The following RHBDF1 variants were observed in gnomAD, a reference collection of about 807,000 sequenced individuals.
RHBDF1 encodes rhomboid 5 homolog 1.
Under a neutral mutation model 98.6 loss-of-function variants are expected in RHBDF1, and 80 were observed. The observed-to-expected ratio is 0.81, with a 90% CI of 0.68 to 0.98. The LOEUF (loss-of-function observed/expected upper bound fraction) is 0.98. Among genes scored for constraint, RHBDF1 ranks in the 50% least tolerant of loss-of-function variants. The pLI, the probability that RHBDF1 is intolerant of heterozygous loss-of-function variation, is 0.00. For missense variants in RHBDF1, 1,116 were observed against 1,198.3 expected, an observed-to-expected ratio of 0.93 and a Z score of 1.01; for synonymous variants, 512 against 486.8, an observed-to-expected ratio of 1.05 and a Z score of -0.68.
upstream of RHBDF1, among the ~76,000 whole-genome samples, chr16:75,142 G>T (rs985948622): frequency 1.3e-5 from 2 of 152,230 alleles, no homozygotes; most frequent in African/African-American, 4.8e-5. Flanking sequence ...CGGAAACCCA[G>T]CTCCCGGCCC....
intron 2 of RHBDF1, 27 bp downstream of exon 2, chr16:64,872 C>A (rs747575589): frequency 6.2e-7 from 1 of 1,613,932 alleles, no homozygotes; most frequent in South Asian, 1.1e-5. Flanking sequence ...CAGGGGGCAC[C>A]CACAGTCCCT....
Position 61,391 on chromosome 16 carries a change from G to C in RHBDF1, c.1389C>G (p.Pro463=). ...YVQQENFWIG[P]SSEALIHLGA... is the part of the protein sequence containing the mutation. ...CCCCCAGCCCCGTCCTCACCGAGCTGGGCCCGATCCAGAAGTTCTCCTGCT... is the reference window on the plus strand; with the variant it reads ...CCCCCAGCCCCGTCCTCACCGAGCTCGGCCCGATCCAGAAGTTCTCCTGCT... Residue 463 remains proline (P), a synonymous_variant, in exon 10 of 18, where the codon CCC becomes CCG. Transcript: ENST00000262316. 3 of 1,609,702 alleles carry C rather than the reference G, an allele frequency of 1.9e-6. No homozygotes were observed. Among genetic ancestry groups the C allele is most frequent in the South Asian group, 2.2e-5 (2 of 90,592 alleles).
chr16:58,804 G>C lies in RHBDF1; in HGVS notation c.2149-45C>G, dbSNP rs770785026. ...GCTGTAAGGCAGTGGGGCTGGGCAGGCCCCCTGGACCCAAGGCCTCATCTT... is the reference window on the plus strand; with the variant it reads ...GCTGTAAGGCAGTGGGGCTGGGCAGCCCCCCTGGACCCAAGGCCTCATCTT... On this transcript the variant is annotated intron_variant, in intron 17 of 17. Coordinates refer to ENST00000262316, the MANE Select transcript of RHBDF1 (RefSeq NM_022450.5). 349 of 1,589,526 alleles carry C rather than the reference G, an allele frequency of 2.2e-4. 1 individual carries two copies. The highest frequency in any genetic ancestry group is 2.8e-4 in the Non-Finnish European group (329 of 1,166,426).
At chr16:71,745 T>C (rs1035701355) in intron 1 of RHBDF1, among the ~76,000 whole-genome samples, 1 of 152,096 alleles carries the variant, frequency 6.6e-6, no homozygotes, top group African/African-American at 2.4e-5. Flanking sequence ...GAAGATCCCC[T>C]GCCCATTCCC....
At position 65,045 on chromosome 16, in the gene RHBDF1, G is replaced by A. The variant is rs201013069; in HGVS notation, c.-24-6C>T. The A allele has an allele frequency of 1.5e-4, 230 of 1,496,602 alleles. No individual in the cohort carries two copies. Among genetic ancestry groups the A allele is most frequent in the Non-Finnish European group, 4.7e-5 (53 of 1,126,670 alleles). The allele number at this position is 1,496,602 out of a possible 1,614,324, so 92.7% of individuals were successfully genotyped here. On this transcript the variant is annotated splice_polypyrimidine_tract_variant and splice_region_variant and intron_variant, in intron 1 of 17. Transcript: ENST00000262316. ...CCTGGCAGAGCAAGGCAGGCCTGCG[G>A]GGCATGGTGTGTTATTCAATAATGA... is the stretch of plus-strand genomic sequence containing the variant.
Position 62,634 on chromosome 16 carries a change from TC to T in RHBDF1, c.856del (p.Glu286ArgfsTer4). 3 of 1,614,044 alleles carry T rather than the reference TC, an allele frequency of 1.9e-6. No individual in the cohort carries two copies. Among genetic ancestry groups the T allele is most frequent in the Non-Finnish European group, 2.5e-6 (3 of 1,180,028 alleles). On this transcript the variant is annotated frameshift_variant, in exon 7 of 18. Transcript: ENST00000262316. LOFTEE classifies it high-confidence loss of function. ...CTTCTCCCAGTCCTTTAGCGCTGCC[TC>T]CGATGGGGACTCGAAAACTTCATCC... ...YPDEVFESPS[E>X]AALKDWEKAP...
Position 59,052 on chromosome 16 carries a change from G to A in RHBDF1, c.2070C>T (p.His690=), listed in dbSNP as rs1897496708. Residue 690 remains histidine, a synonymous_variant, in exon 17 of 18, where the codon CAC becomes CAT. Transcript: ENST00000262316. The stretch of plus-strand genomic sequence containing the variant: ...TCAGCAGGTAGATGATGGCTATGCG[G>A]TGCCAGCCTGCCAGCTTCTCCAGGT... ...LRDLEKLAGW[H]RIAIIYLLSG... is the part of the protein sequence containing the mutation. The A allele has an allele frequency of 1.2e-6, 2 of 1,613,354 alleles. No individual in the cohort carries two copies. The highest frequency in any genetic ancestry group is 8.5e-7 in the Non-Finnish European group (1 of 1,180,016).
rs1171414581 is a variant in RHBDF1 at position 61,450 on chromosome 16, T to G, written c.1330A>C (p.Asn444His). The G allele has an allele frequency of 1.2e-6, 2 of 1,612,368 alleles. No homozygotes were observed. The highest frequency in any genetic ancestry group is 1.7e-6 in the Non-Finnish European group (2 of 1,179,804). ...QHETVDSVLR[N>H]RGVYENVKYV... The stretch of plus-strand genomic sequence containing the variant: ...TTGACGTTCTCGTAGACCCCGCGGT[T>G]CCGCAGCACCTGGGAGGTTGGGGAG... The change falls in exon 10 of 18, where the codon AAC (asparagine) becomes CAC (histidine). Residue 444 changes from asparagine to histidine, a missense_variant. Coordinates refer to ENST00000262316, the MANE Select transcript of RHBDF1 (RefSeq NM_022450.5).
chr16:65,002 C>T lies in RHBDF1; in HGVS notation c.14G>A (p.Arg5His), dbSNP rs376110986. Residue 5 changes from arginine (R) to histidine (H), a missense_variant, in exon 2 of 18, where the codon CGC (arginine) becomes CAC (histidine). Coordinates refer to ENST00000262316, the MANE Select transcript of RHBDF1 (RefSeq NM_022450.5). ...CTGCAGGCTGCTCGTGCTGTCCCTG[C>T]GGGCCTCACTCATGGTTCCTGGCAG... MSEA[R>H]RDSTSSLQRK... 7.2e-6 allele frequency: 11 copies of T among 1,526,440 alleles called. No homozygotes were observed. The African/African-American group carries it at 8.3e-5, about 11-fold the overall frequency. The allele number at this position is 1,526,440 out of a possible 1,614,324, so 94.6% of individuals were successfully genotyped here.
In RHBDF1 at chr16:62,577, G is replaced by A. The variant is rs941295149; in HGVS notation, c.914C>T (p.Ala305Val). 8 of 1,613,302 alleles carry A rather than the reference G, an allele frequency of 5.0e-6. No individual in the cohort carries two copies. The highest frequency in any genetic ancestry group is 1.6e-4 in the Middle Eastern group (1 of 6,084). Reference sequence around the variant, plus strand: ...GCGCTCAAGCTCGCTGCGGTCCAGGGCCCCGCCGGTGAGGTCCGCCTGCTC... The same window carrying A: ...GCGCTCAAGCTCGCTGCGGTCCAGGACCCCGCCGGTGAGGTCCGCCTGCTC... The part of the protein sequence containing the change: ...APEQADLTGG[A>V]LDRSELERSH... Residue 305 changes from alanine to valine, a missense_variant, in exon 7 of 18, where the codon GCC (alanine) becomes GTC (valine). Physicochemically the swap from Ala to Val is moderately conservative, Grantham distance 64. Coordinates refer to ENST00000262316, the MANE Select transcript of RHBDF1 (RefSeq NM_022450.5).
rs778216721 is a variant in RHBDF1, at chr16:58,391, G to C, written c.2517C>G (p.Pro839=). Residue 839 remains proline, a synonymous_variant, in exon 18 of 18, where the codon CCC becomes CCG. Coordinates refer to ENST00000262316, the MANE Select transcript of RHBDF1 (RefSeq NM_022450.5). ...CEWCEFLTCI[P]FTDKFCEKYE... Reference sequence around the variant, plus strand: ...ACTTCTCACAGAACTTGTCAGTGAAGGGGATGCAGGTGAGGAACTCACACC... The same window carrying C: ...ACTTCTCACAGAACTTGTCAGTGAACGGGATGCAGGTGAGGAACTCACACC... The C allele has an allele frequency of 1.1e-5, 17 of 1,613,918 alleles. No homozygotes were observed. Among genetic ancestry groups the C allele is most frequent in the Non-Finnish European group, 1.3e-5 (15 of 1,180,028 alleles).
At chr16:62,517 T>A (rs768960065) in intron 7 of RHBDF1, 21 bp downstream of exon 7, 2 of 1,609,230 alleles carry the variant, frequency 1.2e-6, no homozygotes, top group Non-Finnish European at 1.7e-6. Flanking sequence ...TCTGCCCCTC[T>A]TCCCTGCCTG....
intron 1 of RHBDF1, among the ~76,000 whole-genome samples, chr16:66,125 C>T (rs1169465135): frequency 6.6e-6 from 1 of 152,194 alleles, no homozygotes; most frequent in Non-Finnish European, 1.5e-5. Flanking sequence ...TGAGAAGGGC[C>T]CCTGAGCATG....
chr16:74,494 C>T (rs1343689092), upstream of RHBDF1, among the ~76,000 whole-genome samples: 1 of 152,154 alleles, frequency 6.6e-6, no homozygotes, highest in Admixed American at 6.5e-5. Context: ...TGAAACCCCC[C>T]GCACCCAGGA....
In RHBDF1 at chr16:58,394, G is replaced by A. The variant is rs371297598; in HGVS notation, c.2514C>T (p.Ile838=). Residue 838 remains isoleucine, a synonymous_variant, in exon 18 of 18, where the codon ATC becomes ATT. Transcript: ENST00000262316. ...TCTCACAGAACTTGTCAGTGAAGGG[G>A]ATGCAGGTGAGGAACTCACACCACT... ...RCEWCEFLTC[I]PFTDKFCEKY... is the part of the protein sequence containing the mutation. The A allele has an allele frequency of 1.5e-5, 24 of 1,613,822 alleles. No individual in the cohort carries two copies. Among genetic ancestry groups the A allele is most frequent in the Admixed American group, 6.7e-5 (4 of 60,004 alleles).
chr16:74,653 G>C (rs571264109), upstream of RHBDF1: 1 of 152,172 alleles, frequency 6.6e-6, no homozygotes, highest in Admixed American at 6.5e-5. Flanking sequence ...GTCGATACAC[G>C]TGTGCTCAGT....
rs759911148 is a variant in RHBDF1 at position 60,510 on chromosome 16, G to C, written c.1587C>G (p.Pro529=). The C allele has an allele frequency of 2.5e-6, 4 of 1,610,478 alleles. No homozygotes were observed. Among genetic ancestry groups the C allele is most frequent in the Non-Finnish European group, 2.5e-6 (3 of 1,179,974 alleles). ...SSTLAVWVKW[P]IHPSAPELAG... ...CAAGCTCTGGGGCGCTGGGATGGAT[G>C]GGCCACTTCACCCACACTGCCAGCG... Residue 529 remains proline, a synonymous_variant, in exon 12 of 18, where the codon CCC becomes CCG. Coordinates refer to ENST00000262316, the MANE Select transcript of RHBDF1 (RefSeq NM_022450.5).
chr16:62,881 T>A lies in RHBDF1; in HGVS notation c.689A>T (p.Asp230Val). 1 of 1,613,816 alleles carries A rather than the reference T, an allele frequency of 6.2e-7. No individual in the cohort carries two copies. Among genetic ancestry groups the A allele is most frequent in the Non-Finnish European group, 8.5e-7 (1 of 1,179,940 alleles). Reference protein sequence around the residue: ...AALMKGRSVRDGTFRRAQRRS... With the variant: ...AALMKGRSVRVGTFRRAQRRS... ...ACGCTGTGCCCGGCGAAAGGTGCCA[T>A]CCCTAACGGAGCGGCCCTGGGGACG... The change falls in exon 6 of 18, where the codon GAT (aspartate) becomes GTT (valine). Residue 230 changes from aspartate (D) to valine (V), a missense_variant. By Grantham distance (152) the Asp-to-Val change is radical (BLOSUM62 -3). Transcript: ENST00000262316.
At chr16:63,207 A>C (rs758558359) in intron 4 of RHBDF1, 25 bp from the exon 5 acceptor site, 15 of 1,534,906 alleles carry the variant, frequency 9.8e-6, no homozygotes, top group Middle Eastern at 2.1e-4. Context: ...GAGATGCTGG[A>C]GTCAGGACCA....
Sources: allele counts gnomAD v4.1 joint callset (sites outside exome capture counted in the v4.1 genomes callset), GRCh38; gene constraint gnomAD v4.1.1; transcripts MANE v1.5; gene names NCBI Gene and HGNC (gene_info 2026-07-23, HGNC 2026-07-21).